The following LSAMP variants were observed in gnomAD, a reference collection of about 807,000 sequenced individuals.
The protein encoded by LSAMP is limbic system-associated membrane protein.
A neutral mutation model predicts 38.6 loss-of-function variants in LSAMP; 7 were observed. That is an observed-to-expected ratio of 0.18 (90% CI 0.10 to 0.34). The LOEUF (loss-of-function observed/expected upper bound fraction) is 0.34. Ranked by LOEUF, LSAMP falls within the 10% of genes least tolerant of loss-of-function variation. LSAMP has a pLI of 1.00. For synonymous variants in LSAMP, 154 were observed against 166.8 expected (o/e 0.92, Z 0.59); for missense variants, 313 against 420.0 (o/e 0.75, Z 2.23).
chr3:116,054,544 T>G (rs1380441089), intron 2 of LSAMP, among the ~76,000 whole-genome samples: 1 of 152,132 alleles, frequency 6.6e-6, no homozygotes, highest in Non-Finnish European at 1.5e-5. Flanking sequence ...CTATTCATGG[T>G]CTCTCACAGG....
At chr3:116,020,221 C>T (rs920641707) in intron 2 of LSAMP, among the ~76,000 whole-genome samples, 11 of 152,202 alleles carry the variant, frequency 7.2e-5, no homozygotes, top group African/African-American at 2.2e-4. Context: ...TATCTTAGAA[C>T]TTAAAACGTG....
At chr3:116,270,411 T>TGAA (rs1282261461) in intron 1 of LSAMP, among the ~76,000 whole-genome samples, 2 of 141,118 alleles carry the variant, frequency 1.4e-5, no homozygotes, top group Non-Finnish European at 3.2e-5. Context: ...AAATGGACCC[T>TGAA]GAAGCTTCTT....
At chr3:116,252,038 G>A (rs1332552978) in intron 1 of LSAMP, among the ~76,000 whole-genome samples, 4 of 152,174 alleles carry the variant, frequency 2.6e-5, no homozygotes, top group Admixed American at 2.6e-4. Flanking sequence ...CAAAAAGCCA[G>A]TATTTCTCCT....
chr3:115,874,029 T>G (rs1936117373), intron 3 of LSAMP, among the ~76,000 whole-genome samples: 1 of 152,174 alleles, frequency 6.6e-6, no homozygotes, highest in Admixed American at 6.5e-5. Context: ...GCTTCTGCCC[T>G]TTTCTAAGTT....
At chr3:116,015,763 T>G (rs76492610) in intron 3 of LSAMP, among the ~76,000 whole-genome samples, 3 of 150,546 alleles carry the variant, frequency 2.0e-5, no homozygotes, top group Non-Finnish European at 4.5e-5. Context: ...CCTTACCCAA[T>G]TTTTTTTAAA....
intron 6 of LSAMP, among the ~76,000 whole-genome samples, chr3:115,824,740 G>C (rs561840125): frequency 6.6e-6 from 1 of 150,572 alleles, no homozygotes; most frequent in Non-Finnish European, 1.5e-5. Flanking sequence ...ACTAGCTTCC[G>C]GACCTAAATC....
chr3:116,030,749 A>G (rs1277324665), intron 2 of LSAMP, among the ~76,000 whole-genome samples: 2 of 152,164 alleles, frequency 1.3e-5, no homozygotes, highest in East Asian at 3.9e-4. Flanking sequence ...AGACATTATC[A>G]GAGAAAAGAA....
At chr3:116,300,924 G>C (rs868719250) in intron 1 of LSAMP, among the ~76,000 whole-genome samples, 3 of 151,984 alleles carry the variant, frequency 2.0e-5, no homozygotes, top group South Asian at 4.1e-4. Flanking sequence ...AACTCTTCCA[G>C]CTCATCTCTG....
chr3:115,911,946 A>G lies in LSAMP; in HGVS notation c.515-59329T>C, dbSNP rs906635811. Among the ~76,000 whole-genome samples the G allele has an allele frequency of 1.2e-4, 18 of 152,188 alleles. 1 individual carries two copies. Among genetic ancestry groups the G allele is most frequent in the Non-Finnish European group, 2.1e-4 (14 of 68,036 alleles). ...CCCTAAACGGCTAGTGATGTTAAAC[A>G]TCTTTTACTTAACATCTATATAACC... On this transcript the variant is annotated intron_variant, in intron 3 of 6. Coordinates refer to ENST00000490035, the MANE Select transcript of LSAMP (RefSeq NM_002338.5).
In LSAMP at chr3:116,444,988, A is replaced by C; in HGVS notation, c.44T>G (p.Val15Gly). The change falls in exon 1 of 7, where the codon GTC becomes GGC. Residue 15 changes from valine (V) to glycine (G), a missense_variant. Physicochemically the swap from Val to Gly is moderately radical, Grantham distance 109 (BLOSUM62 -3). Coordinates refer to ENST00000490035, the MANE Select transcript of LSAMP (RefSeq NM_002338.5). ...VQPDRKQLPL[V>G]LLRLLCLLPT... is the part of the protein sequence containing the mutation. The stretch of plus-strand genomic sequence containing the variant: ...AAGAAGGCAGAGCAATCTCAGTAGG[A>C]CCAGTGGCAACTGTTTCCGATCCGG... 6.2e-7 allele frequency: 1 copy of C among 1,614,066 alleles called. No homozygotes were observed. Among genetic ancestry groups the C allele is most frequent in the Non-Finnish European group, 8.5e-7 (1 of 1,180,004 alleles).
At chr3:115,952,042 C>T (rs1938309705) in intron 3 of LSAMP, among the ~76,000 whole-genome samples, 1 of 151,924 alleles carries the variant, frequency 6.6e-6, no homozygotes, top group African/African-American at 2.4e-5. Flanking sequence ...GCAAGAATGG[C>T]CATAATTTAA....
At chr3:116,111,114 C>T (rs1353813225) in intron 1 of LSAMP, among the ~76,000 whole-genome samples, 5 of 152,094 alleles carry the variant, frequency 3.3e-5, no homozygotes, top group East Asian at 1.9e-4. Context: ...TCAGTTAAGG[C>T]GGGGCAGGGC....
At chr3:116,203,798 T>C (rs543695009) in intron 1 of LSAMP, among the ~76,000 whole-genome samples, 293 of 152,150 alleles carry the variant, frequency 1.9e-3, no homozygotes, top group Middle Eastern at 3.4e-3. Context: ...TCCAGTCTAT[T>C]ATTGTTGGAC....
chr3:115,891,502 G>T (rs1354376004), intron 3 of LSAMP, among the ~76,000 whole-genome samples: 1 of 152,010 alleles, frequency 6.6e-6, no homozygotes, highest in Non-Finnish European at 1.5e-5. Flanking sequence ...TCTCAGGTGA[G>T]ATCAGCAGTC....
intron 1 of LSAMP, among the ~76,000 whole-genome samples, chr3:116,299,708 A>G (rs774518218): frequency 4.6e-5 from 7 of 152,194 alleles, no homozygotes; most frequent in South Asian, 2.1e-4. Context: ...AGAGATCCCC[A>G]ACTGTGACTA....
At chr3:116,220,187 C>CAA (rs1559787977) in intron 1 of LSAMP, among the ~76,000 whole-genome samples, 1 of 100,816 alleles carries the variant, frequency 9.9e-6, no homozygotes, top group Non-Finnish European at 2.0e-5. Flanking sequence ...CATCTCAAAA[C>CAA]ACACACACAC....
intron 3 of LSAMP, among the ~76,000 whole-genome samples, chr3:115,860,327 G>A (rs181248090): frequency 2.0e-5 from 3 of 152,312 alleles, no homozygotes; most frequent in Admixed American, 6.5e-5. Flanking sequence ...CTTTGACCCA[G>A]GTCTGTGGAC....
intron 1 of LSAMP, among the ~76,000 whole-genome samples, chr3:116,160,571 T>TA (rs1170874918): frequency 1.3e-5 from 2 of 152,102 alleles, no homozygotes; most frequent in African/African-American, 4.8e-5. Context: ...ATACTATGCT[T>TA]ATTACCTGGG....
intron 3 of LSAMP, among the ~76,000 whole-genome samples, chr3:115,957,302 C>A (rs1481756199): frequency 6.6e-6 from 1 of 152,192 alleles, no homozygotes; most frequent in African/African-American, 2.4e-5. Flanking sequence ...AGCCACTACA[C>A]AAATGGCTCG....
Sources: gnomAD v4.1 joint callset for allele counts (sites outside exome capture counted in the v4.1 genomes callset) on GRCh38, gnomAD v4.1.1 for gene constraint, MANE v1.5 for transcripts, NCBI Gene and HGNC (gene_info 2026-07-23, HGNC 2026-07-21) for gene names.